PHLPP1: variants seen among roughly 807,000 people sequenced by gnomAD.
The protein encoded by PHLPP1 is PH domain leucine-rich repeat-containing protein phosphatase 1.
PHLPP1 carries 42 observed loss-of-function variants against 117.2 expected under a neutral mutation model. That is an observed-to-expected ratio of 0.36 (90% CI 0.28 to 0.46). The LOEUF (loss-of-function observed/expected upper bound fraction) is 0.46. PHLPP1 is among the 20% of genes least tolerant of loss of function. The pLI, the probability that PHLPP1 is intolerant of heterozygous loss-of-function variation, is 1.00. For synonymous variants in PHLPP1, 1,042 were observed against 970.7 expected, an observed-to-expected ratio of 1.07 and a Z score of -1.37; for missense variants, 2,084 against 2,241.9, an observed-to-expected ratio of 0.93 and a Z score of 1.42.
chr18:62,974,439 C>T (rs182707332), intron 15 of PHLPP1, among the ~76,000 whole-genome samples: 162 of 152,274 alleles, frequency 1.1e-3, no homozygotes, highest in African/African-American at 3.7e-3. Flanking sequence ...ACCTTACACA[C>T]GTGATAGGAG....
intron 9 of PHLPP1, among the ~76,000 whole-genome samples, chr18:62,915,764 G>T (rs541914102): frequency 2.0e-4 from 31 of 152,248 alleles, no homozygotes; most frequent in African/African-American, 7.5e-4. Context: ...ATCTGTGCTG[G>T]CCAGTATGGT....
chr18:62,795,946 A>G (rs974059328), intron 1 of PHLPP1, among the ~76,000 whole-genome samples: 13 of 152,320 alleles, frequency 8.5e-5, no homozygotes, highest in Admixed American at 7.8e-4. Flanking sequence ...CAGTTTTACT[A>G]TGTCATCCTT....
intron 1 of PHLPP1, among the ~76,000 whole-genome samples, chr18:62,752,930 TAAATA>T (rs1359767774): frequency 6.6e-6 from 1 of 152,146 alleles, no homozygotes; most frequent in Non-Finnish European, 1.5e-5. Flanking sequence ...GGATGAAAAC[TAAATA>T]AAAGTGGAGA....
chr18:62,716,634 C>T lies in PHLPP1; in HGVS notation c.951C>T (p.Ser317=). The T allele has an allele frequency of 1.4e-6, 2 of 1,381,006 alleles. No individual in the cohort carries two copies. Among genetic ancestry groups the T allele is most frequent in the Non-Finnish European group, 9.3e-7 (1 of 1,070,004 alleles). 85.5% of individuals were successfully genotyped at this position (1,381,006 alleles called of 1,614,324 possible). ...CGGGCGGGTGGTCGCGCCGCGCCAG[C>T]CCAGCGCCCTCGGACTCCAGCCCCG... The part of the protein sequence containing the change: ...GGPGGWSRRA[S]PAPSDSSPGE... The change falls in exon 1 of 17, where the codon AGC becomes AGT. Residue 317 remains serine (S), a synonymous_variant. Coordinates refer to ENST00000262719, the MANE Select transcript of PHLPP1 (RefSeq NM_194449.4). This position sits in a 1 kb window ranked among gnomAD's most constrained non-coding sequence, Gnocchi z 5.7.
intron 2 of PHLPP1, 92 bp downstream of exon 2, chr18:62,830,323 C>G: frequency 1.0e-6 from 1 of 1,003,408 alleles, no homozygotes; most frequent in South Asian, 1.7e-5. Flanking sequence ...TCACTGCAAC[C>G]TCTGCCTCCT....
At chr18:62,807,385 T>C (rs561728065) in intron 1 of PHLPP1, among the ~76,000 whole-genome samples, 2 of 152,324 alleles carry the variant, frequency 1.3e-5, no homozygotes, top group African/African-American at 4.8e-5. Flanking sequence ...AATACAATCG[T>C]ATGTATTGAG....
intron 1 of PHLPP1, among the ~76,000 whole-genome samples, chr18:62,746,957 G>A (rs1250479938): frequency 6.6e-6 from 1 of 152,066 alleles, no homozygotes; most frequent in African/African-American, 2.4e-5. Context: ...AATTGTTCTA[G>A]ACTCAGTTTT....
At chr18:62,859,040 C>T (rs903359327) in intron 3 of PHLPP1, among the ~76,000 whole-genome samples, 1 of 152,158 alleles carries the variant, frequency 6.6e-6, no homozygotes, top group African/African-American at 2.4e-5. Context: ...CAGAACCATA[C>T]ACCTAAGGAC....
chr18:62,844,559 T>G (rs1218626747), intron 3 of PHLPP1, among the ~76,000 whole-genome samples: 1 of 152,208 alleles, frequency 6.6e-6, no homozygotes, highest in African/African-American at 2.4e-5. Flanking sequence ...GCTATCGGTA[T>G]GCTCCCTTTC....
chr18:62,776,209 G>C (rs1004250970), intron 1 of PHLPP1, among the ~76,000 whole-genome samples: 3 of 152,174 alleles, frequency 2.0e-5, no homozygotes, highest in Non-Finnish European at 4.4e-5. Flanking sequence ...GAAGTTTGTA[G>C]GGCTGGCCAG....
At chr18:62,848,901 T>C (rs1195135037) in intron 3 of PHLPP1, among the ~76,000 whole-genome samples, 1 of 152,218 alleles carries the variant, frequency 6.6e-6, no homozygotes, top group Non-Finnish European at 1.5e-5. Context: ...CTTTTACTTA[T>C]TTGTACTTCC....
intron 10 of PHLPP1, among the ~76,000 whole-genome samples, chr18:62,923,205 CA>C (rs1909528545): frequency 6.6e-6 from 1 of 152,128 alleles, no homozygotes; most frequent in Non-Finnish European, 1.5e-5. Context: ...GACAATTTGC[CA>C]GCCTTTGGAG....
chr18:62,762,174 G>C (rs1244438688), intron 1 of PHLPP1, among the ~76,000 whole-genome samples: 2 of 151,698 alleles, frequency 1.3e-5, no homozygotes, highest in Non-Finnish European at 1.5e-5. Context: ...CATTTGTAAA[G>C]CTATGGTTTT....
chr18:62,883,302 G>C (rs1013818773), intron 4 of PHLPP1, among the ~76,000 whole-genome samples: 4 of 152,288 alleles, frequency 2.6e-5, no homozygotes, highest in African/African-American at 9.6e-5. Context: ...GGCTGGGAGG[G>C]CGTGTTTGTA....
chr18:62,798,792 C>T (rs1287094163), intron 1 of PHLPP1, among the ~76,000 whole-genome samples: 1 of 151,864 alleles, frequency 6.6e-6, no homozygotes, highest in East Asian at 1.9e-4. Flanking sequence ...CAAGGCAACC[C>T]CTGTAAGAGC....
At chr18:62,812,148 C>T (rs977721074) in intron 1 of PHLPP1, among the ~76,000 whole-genome samples, 2 of 152,066 alleles carry the variant, frequency 1.3e-5, no homozygotes, top group African/African-American at 2.4e-5. Context: ...TCATCTTGGC[C>T]GAAGTCTGTT....
intron 3 of PHLPP1, chr18:62,843,138 T>C (rs1915094411): frequency 6.6e-6 from 1 of 152,222 alleles, no homozygotes; most frequent in East Asian, 1.9e-4. Context: ...GTTTAGTTTC[T>C]TTTCTTCATA....
At chr18:62,757,503 G>C (rs185259924) in intron 1 of PHLPP1, among the ~76,000 whole-genome samples, 13 of 152,294 alleles carry the variant, frequency 8.5e-5, no homozygotes, top group African/African-American at 2.9e-4. Context: ...TTTGTATGGG[G>C]TGTCCCCATT....
chr18:62,812,787 A>T (rs538412521), intron 1 of PHLPP1, among the ~76,000 whole-genome samples: 1 of 152,020 alleles, frequency 6.6e-6, no homozygotes, highest in South Asian at 2.1e-4. Flanking sequence ...TAAAATCCTG[A>T]AGTCTACAAA....
Sources: gnomAD v4.1 joint callset for allele counts (sites outside exome capture counted in the v4.1 genomes callset) on GRCh38, gnomAD v4.1.1 for gene constraint, Gnocchi (gnomAD v3.1) non-coding constraint, MANE v1.5 for transcripts, NCBI Gene and HGNC (gene_info 2026-07-23, HGNC 2026-07-21) for gene names.